The following MGST1 variants were observed in gnomAD, a reference collection of about 807,000 sequenced individuals.
The protein encoded by MGST1 is glutathione S-transferase 12.
MGST1 carries 5 observed loss-of-function variants against 8.9 expected under a neutral mutation model. The ratio of observed to expected loss-of-function variants is 0.56; its 90% confidence interval spans 0.29 to 1.19. The LOEUF is 1.19. MGST1 is among the 50% of genes most tolerant of loss of function. MGST1 has a pLI of 0.08. For missense variants in MGST1, 182 were observed against 187.4 expected, an observed-to-expected ratio of 0.97 and a Z score of 0.17; for synonymous variants, 54 against 67.8, an observed-to-expected ratio of 0.80 and a Z score of 1.00.
intron 4 of MGST1, among the ~76,000 whole-genome samples, chr12:16,564,967 A>T (rs1206484737): frequency 2.0e-5 from 3 of 152,000 alleles, no homozygotes; most frequent in East Asian, 1.9e-4. Context: ...TAAAAAAAAA[A>T]TTTGTAGAGA....
chr12:16,567,030 A>G (rs1033091025), intron 4 of MGST1, among the ~76,000 whole-genome samples: 2 of 152,154 alleles, frequency 1.3e-5, no homozygotes, highest in Admixed American at 6.5e-5. Context: ...CCCCATCTCT[A>G]CTAAAAATAT....
intron 1 of MGST1, among the ~76,000 whole-genome samples, chr12:16,393,360 AG>A (rs1940570767): frequency 6.6e-6 from 1 of 152,194 alleles, no homozygotes; most frequent in South Asian, 2.1e-4. Context: ...CATTTCCAAA[AG>A]AGTAAAGTGA....
At chr12:16,400,244 T>C (rs750304323) in intron 1 of MGST1, 1 of 847,552 alleles carries the variant, frequency 1.2e-6, no homozygotes, top group African/African-American at 1.7e-5. Context: ...TTCCCAAACA[T>C]GATGGCATTC....
chr12:16,460,597 G>GTT (rs368666166), intron 4 of MGST1, among the ~76,000 whole-genome samples: 29 of 131,978 alleles, frequency 2.2e-4, no homozygotes, highest in African/African-American at 3.4e-4. Flanking sequence ...ATTCAGGTCA[G>GTT]TTTTTTTTTT....
chr12:16,437,884 C>T (rs1227369679), exon 2 of MGST1: 1 of 151,714 alleles, frequency 6.6e-6, no homozygotes, highest in African/African-American at 2.4e-5. Flanking sequence ...AAAAACCCCT[C>T]TGAATCAAGT....
intron 4 of MGST1, among the ~76,000 whole-genome samples, chr12:16,473,824 T>C (rs1305136301): frequency 2.6e-5 from 4 of 152,110 alleles, no homozygotes; most frequent in African/African-American, 9.7e-5. Context: ...GAAGTTGCAG[T>C]GAGCCATGAC....
At chr12:16,551,798 G>A (rs1477464885) in intron 4 of MGST1, among the ~76,000 whole-genome samples, 2 of 151,906 alleles carry the variant, frequency 1.3e-5, no homozygotes, top group African/African-American at 4.8e-5. Context: ...CTATTTTAAA[G>A]CTTCCCATTT....
chr12:16,560,529 A>G lies in MGST1; in HGVS notation n.483-28999A>G, dbSNP rs1420760657. 1 of 1,607,672 alleles carries G rather than the reference A, an allele frequency of 6.2e-7. No individual in the cohort carries two copies. The highest frequency in any genetic ancestry group is 8.5e-7 in the Non-Finnish European group (1 of 1,178,192). On this transcript the variant is annotated intron_variant and non_coding_transcript_variant, in intron 4 of 4. Transcript: ENST00000538857. This position sits in a 1 kb window ranked among gnomAD's most constrained non-coding sequence, Gnocchi z 5.0. ...TACAGGCAGCGCAGTTTCCCGTTACACCAAAGAGCCTAGAATAAGAAACAT... is the reference window on the plus strand; with the variant it reads ...TACAGGCAGCGCAGTTTCCCGTTACGCCAAAGAGCCTAGAATAAGAAACAT...
At chr12:16,432,339 C>T (rs1015876604) in intron 1 of MGST1, among the ~76,000 whole-genome samples, 1 of 152,016 alleles carries the variant, frequency 6.6e-6, no homozygotes, top group Non-Finnish European at 1.5e-5. Context: ...GAAAGGAGTA[C>T]CACTGAGAGT....
rs1340982232 is a variant in MGST1, at chr12:16,576,005, A to G, written n.483-13523A>G. ...CTTTGAATTTGCCTCCTCTTCTCAG[A>G]CCCCCAAATCTAGCCCTGCCGCTGT... On this transcript the variant is annotated intron_variant and non_coding_transcript_variant, in intron 4 of 4. Transcript: ENST00000538857. This position sits in a 1 kb window ranked among gnomAD's most constrained non-coding sequence, Gnocchi z 4.1. Among the ~76,000 whole-genome samples, 1 of 151,730 alleles carries G rather than the reference A, an allele frequency of 6.6e-6. No individual in the cohort carries two copies. The highest frequency in any genetic ancestry group is 1.5e-5 in the Non-Finnish European group (1 of 67,954).
At chr12:16,431,310 T>C (rs1027089478) in intron 1 of MGST1, among the ~76,000 whole-genome samples, 1 of 152,176 alleles carries the variant, frequency 6.6e-6, no homozygotes, top group Non-Finnish European at 1.5e-5. Context: ...AGTAGCACTT[T>C]TAATTTCCTT....
downstream of MGST1, among the ~76,000 whole-genome samples, chr12:16,377,493 T>C (rs1333575758): frequency 2.6e-5 from 4 of 152,102 alleles, no homozygotes; most frequent in East Asian, 7.7e-4. Flanking sequence ...TTTTTATGGC[T>C]GCATAGTATT....
intron 4 of MGST1, among the ~76,000 whole-genome samples, chr12:16,469,370 G>A (rs1383066544): frequency 2.0e-5 from 3 of 151,902 alleles, no homozygotes; most frequent in African/African-American, 7.3e-5. Context: ...TGTATTTTTA[G>A]TAGAGACAAG....
At chr12:16,412,551 T>A (rs1165793410) in intron 1 of MGST1, among the ~76,000 whole-genome samples, 1 of 152,158 alleles carries the variant, frequency 6.6e-6, no homozygotes, top group African/African-American at 2.4e-5. Context: ...TACTCCCAAA[T>A]CTCACCTTGA....
At chr12:16,515,122 A>G (rs1473431561) in intron 4 of MGST1, among the ~76,000 whole-genome samples, 3 of 152,200 alleles carry the variant, frequency 2.0e-5, no homozygotes, top group South Asian at 2.1e-4. Flanking sequence ...TCATGGAGCA[A>G]CCTTATCAAC....
Position 16,497,476 on chromosome 12 carries a change from G to A in MGST1, n.483-92052G>A, listed in dbSNP as rs536746763. ...CATTCTCACACTGCATCATGGTAAAGTGAAAAGAGAAAGCAGAGTTTGGTG... is the reference window on the plus strand; with the variant it reads ...CATTCTCACACTGCATCATGGTAAAATGAAAAGAGAAAGCAGAGTTTGGTG... On this transcript the variant is annotated intron_variant and non_coding_transcript_variant, in intron 4 of 4. Transcript: ENST00000538857. This position sits in a 1 kb window ranked among gnomAD's most constrained non-coding sequence, Gnocchi z 4.4. Among the ~76,000 whole-genome samples, 1 of 152,276 alleles carries A rather than the reference G, an allele frequency of 6.6e-6. No individual in the cohort carries two copies. Among genetic ancestry groups the A allele is most frequent in the Admixed American group, 6.5e-5 (1 of 15,274 alleles).
At position 16,410,336 on chromosome 12, in the gene MGST1, A is replaced by AT. The variant is rs1371703814; in HGVS notation, n.778+26733dup. On this transcript the variant is annotated intron_variant and non_coding_transcript_variant, in intron 1 of 1. Transcript: ENST00000359720. The surrounding 1 kb of genome is among the most constrained non-coding windows in gnomAD (Gnocchi z 4.4). ...ATTCCTGCTTATATACCTCCTAAGC[A>AT]TCTCTGAAATACACTTAACTCTTCC... 3.3e-5 allele frequency among the ~76,000 whole-genome samples: 5 copies of AT among 152,080 alleles called. No homozygotes were observed. The highest frequency in any genetic ancestry group is 4.1e-4 in the South Asian group (2 of 4,830).
At chr12:16,376,325 C>T (rs1253490179) in exon 4 of MGST1, 2 of 465,282 alleles carry the variant, frequency 4.3e-6, no homozygotes, top group Non-Finnish European at 3.8e-6. Flanking sequence ...AAAAGACAAT[C>T]GGAAATTAGC....
intron 4 of MGST1, among the ~76,000 whole-genome samples, chr12:16,526,549 T>C (rs914626635): frequency 2.6e-5 from 4 of 152,050 alleles, no homozygotes; most frequent in African/African-American, 9.7e-5. Context: ...AAAATTCCTA[T>C]AAACGTGTTA....
Sources: gnomAD v4.1 joint callset for allele counts (sites outside exome capture counted in the v4.1 genomes callset) on GRCh38, gnomAD v4.1.1 for gene constraint, Gnocchi (gnomAD v3.1) non-coding constraint, MANE v1.5 for transcripts, NCBI Gene and HGNC (gene_info 2026-07-23, HGNC 2026-07-21) for gene names.